THSD7B: variants seen among roughly 807,000 people sequenced by gnomAD.
THSD7B encodes thrombospondin type-1 domain-containing protein 7B.
THSD7B carries 138 observed loss-of-function variants against 213.6 expected under a neutral mutation model. The observed-to-expected ratio is 0.65, with a 90% CI of 0.56 to 0.74. THSD7B has a LOEUF of 0.74. Ranked by LOEUF, THSD7B falls within the 30% of genes least tolerant of loss-of-function variation. THSD7B has a pLI of 0.00. For synonymous variants in THSD7B, 742 were observed against 687.0 expected (o/e 1.08, Z -1.25); for missense variants, 1,931 against 1,991.5 (o/e 0.97, Z 0.58).
rs190621890 is a variant in THSD7B at position 137,311,008 on chromosome 2, G to A, written c.2500+34982G>A. ...TGCGGGCTCTTTTTTGCTTCCATATGAACTTTAAAGTATTTTTTTCCAATT... is the reference window on the plus strand; with the variant it reads ...TGCGGGCTCTTTTTTGCTTCCATATAAACTTTAAAGTATTTTTTTCCAATT... On this transcript the variant is annotated intron_variant, in intron 12 of 27. Coordinates refer to ENST00000409968, the MANE Select transcript of THSD7B (RefSeq NM_001316349.2). 2.1e-4 allele frequency among the ~76,000 whole-genome samples: 32 copies of A among 149,172 alleles called. 1 individual carries two copies. The East Asian group carries it at 6.1e-3, about 28-fold the overall frequency.
chr2:137,062,492 G>T (rs1311303871), intron 3 of THSD7B, among the ~76,000 whole-genome samples: 1 of 151,250 alleles, frequency 6.6e-6, no homozygotes, highest in Non-Finnish European at 1.5e-5. Context: ...CTTTCTCTTT[G>T]TTCCACAAAT....
chr2:137,374,653 A>G (rs1685612133), intron 12 of THSD7B, among the ~76,000 whole-genome samples: 3 of 152,230 alleles, frequency 2.0e-5, no homozygotes, highest in Admixed American at 2.0e-4. Context: ...AAATAAAAAC[A>G]AAATAATTAT....
At chr2:137,098,130 C>T (rs1688075243) in intron 4 of THSD7B, among the ~76,000 whole-genome samples, 1 of 152,202 alleles carries the variant, frequency 6.6e-6, no homozygotes, top group Non-Finnish European at 1.5e-5. Context: ...TTTCCTTTCA[C>T]AGAACTCATA....
chr2:137,582,210 A>G (rs887643363), intron 17 of THSD7B, among the ~76,000 whole-genome samples: 6 of 152,096 alleles, frequency 3.9e-5, no homozygotes, highest in African/African-American at 1.4e-4. Context: ...TTTCTCTCTC[A>G]TCTCTGTCTC....
At chr2:137,196,265 C>T (rs1680757492) in intron 7 of THSD7B, among the ~76,000 whole-genome samples, 2 of 152,110 alleles carry the variant, frequency 1.3e-5, no homozygotes, top group African/African-American at 4.8e-5. Context: ...CTAGAGGGCC[C>T]ACTTCTTGGT....
chr2:137,433,068 C>T (rs1687218873), intron 14 of THSD7B, among the ~76,000 whole-genome samples: 2 of 152,132 alleles, frequency 1.3e-5, no homozygotes, highest in Non-Finnish European at 2.9e-5. Context: ...GATGTGATCT[C>T]TTTACAGTCT....
At chr2:137,179,720 G>A (rs1458730122) in intron 7 of THSD7B, among the ~76,000 whole-genome samples, 1 of 152,114 alleles carries the variant, frequency 6.6e-6, no homozygotes. Context: ...AATTCATAGT[G>A]TGTAACCTTT....
chr2:137,116,923 T>C (rs1248355752), intron 5 of THSD7B, among the ~76,000 whole-genome samples: 1 of 152,156 alleles, frequency 6.6e-6, no homozygotes, highest in African/African-American at 2.4e-5. Flanking sequence ...CACTTGGAAA[T>C]TAATATCTGT....
chr2:137,497,502 T>C (rs1463717489), intron 15 of THSD7B, among the ~76,000 whole-genome samples: 1 of 152,080 alleles, frequency 6.6e-6, no homozygotes, highest in African/African-American at 2.4e-5. Context: ...CTTCCAAATG[T>C]ACCAATTGCA....
At chr2:137,283,191 G>A (rs150312353) in intron 12 of THSD7B, among the ~76,000 whole-genome samples, 4,185 of 152,192 alleles carry the variant, frequency 0.027, 221 homozygotes, top group African/African-American at 0.095. Flanking sequence ...GTTCACTCAT[G>A]ATTTGGCTCT....
At chr2:137,037,285 C>A (rs1212986412) in intron 2 of THSD7B, among the ~76,000 whole-genome samples, 2 of 152,080 alleles carry the variant, frequency 1.3e-5, no homozygotes, top group African/African-American at 4.8e-5. Context: ...ACTATTCCAA[C>A]TCTGAATATT....
In THSD7B at chr2:137,487,398, AAG is replaced by A. The variant is rs1553454181; in HGVS notation, c.3138+36377_3138+36378del. On this transcript the variant is annotated intron_variant, in intron 15 of 27. Transcript: ENST00000409968. ...TCAAAAAAAAAAAAAAAAAAAAAAAAAGAACTAGAAAAGCAAGAGCAAACACA... is the reference window on the plus strand; with the variant it reads ...TCAAAAAAAAAAAAAAAAAAAAAAAAAACTAGAAAAGCAAGAGCAAACACA... Among the ~76,000 whole-genome samples the A allele has an allele frequency of 4.7e-4, 68 of 143,754 alleles. 1 individual carries two copies. Among genetic ancestry groups the A allele is most frequent in the Admixed American group, 7.5e-4 (11 of 14,664 alleles). 94.3% of individuals were successfully genotyped at this position (143,754 alleles called of 152,430 possible).
At chr2:137,460,703 A>G (rs143985557) in intron 15 of THSD7B, among the ~76,000 whole-genome samples, 197 of 152,164 alleles carry the variant, frequency 1.3e-3, no homozygotes, top group African/African-American at 4.4e-3. Context: ...CCCTTTTTGT[A>G]TATTTATAAG....
At chr2:137,128,173 T>C (rs1363985608) in intron 5 of THSD7B, among the ~76,000 whole-genome samples, 4 of 152,184 alleles carry the variant, frequency 2.6e-5, no homozygotes, top group Admixed American at 6.5e-5. Context: ...AGTTAGGATA[T>C]ACTATCAAAT....
chr2:136,863,912 G>C (rs553148161), intron 1 of THSD7B, among the ~76,000 whole-genome samples: 1 of 152,220 alleles, frequency 6.6e-6, no homozygotes, highest in South Asian at 2.1e-4. Flanking sequence ...TTACAGGACC[G>C]TGAAACCCAA....
At chr2:136,876,439 T>A (rs902113044) in intron 1 of THSD7B, among the ~76,000 whole-genome samples, 4 of 152,234 alleles carry the variant, frequency 2.6e-5, no homozygotes, top group Non-Finnish European at 5.9e-5. Flanking sequence ...AATCTTTGTA[T>A]CAAATCTGTA....
At chr2:137,572,256 C>G (rs1681368785) in intron 16 of THSD7B, 150 bp from the exon 17 acceptor site, 1 of 861,020 alleles carries the variant, frequency 1.2e-6, no homozygotes, top group Non-Finnish European at 1.8e-6. Flanking sequence ...GCCTGACTGA[C>G]TAAAGGAGGA....
At chr2:137,031,454 G>T (rs1266777353) in intron 2 of THSD7B, among the ~76,000 whole-genome samples, 1 of 152,142 alleles carries the variant, frequency 6.6e-6, no homozygotes, top group Non-Finnish European at 1.5e-5. Flanking sequence ...CATAGATTTT[G>T]TCACACTTTG....
intron 12 of THSD7B, among the ~76,000 whole-genome samples, chr2:137,322,914 A>G (rs1684291844): frequency 1.3e-5 from 2 of 152,212 alleles, no homozygotes. Context: ...TCTCTGTCAT[A>G]AACACAACAA....
Sources: gnomAD v4.1 joint callset for allele counts (sites outside exome capture counted in the v4.1 genomes callset) on GRCh38, gnomAD v4.1.1 for gene constraint, MANE v1.5 for transcripts, NCBI Gene and HGNC (gene_info 2026-07-23, HGNC 2026-07-21) for gene names.